Variants in ASB14 observed in about 807,000 individuals in gnomAD.
ASB14 encodes ankyrin repeat and SOCS box containing 14.
Under a neutral mutation model 55.6 loss-of-function variants are expected in ASB14, and 63 were observed. The ratio of observed to expected loss-of-function variants is 1.13; its 90% CI spans 0.92 to 1.40. The LOEUF is 1.40. ASB14 is among the 40% of genes most tolerant of loss of function. The pLI is 0.00. For missense variants in ASB14, 724 were observed against 710.4 expected (o/e 1.02, Z -0.22); for synonymous variants, 256 against 259.9 (o/e 0.98, Z 0.15).
chr3:57,276,863 T>TAA, intron 9 of ASB14, 135 bp from the exon 10 acceptor site: 2 of 757,836 alleles, frequency 2.6e-6, no homozygotes, highest in Non-Finnish European at 4.2e-6. Flanking sequence ...AAACAGTTTT[T>TAA]CAGTTCTTAT....
chr3:57,288,845 G>C (rs879368968), intron 3 of ASB14: 4 of 364,876 alleles, frequency 1.1e-5, no homozygotes, highest in Non-Finnish European at 2.0e-5. Flanking sequence ...CTCCCGAGTA[G>C]CTGGGATTAC....
At chr3:57,286,715 C>T (rs1281520827) in intron 5 of ASB14, among the ~76,000 whole-genome samples, 7 of 152,172 alleles carry the variant, frequency 4.6e-5, no homozygotes, top group African/African-American at 2.4e-5. Flanking sequence ...GGGTCTTTTA[C>T]GGTTCATTGA....
At chr3:57,285,021 C>T (rs1342095061) in intron 5 of ASB14, among the ~76,000 whole-genome samples, 2 of 146,950 alleles carry the variant, frequency 1.4e-5, no homozygotes, top group Admixed American at 1.4e-4. Context: ...CTCACTGCAA[C>T]CTCGTCTCTC....
Position 57,278,518 on chromosome 3 carries a change from A to T in ASB14, c.1290T>A (p.Thr430=). The T allele has an allele frequency of 6.2e-7, 1 of 1,614,104 alleles. No homozygotes were observed. The highest frequency in any genetic ancestry group is 8.5e-7 in the Non-Finnish European group (1 of 1,180,014). The part of the protein sequence containing the change: ...PLHFPSALQY[T]LKDEVMLRML... ...TCCTGAGCATGACTTCATCTTTCAG[A>T]GTGTATTGCAGTGCTGATGGGAAAT... Residue 430 remains threonine, a synonymous_variant, in exon 8 of 11, where the codon ACT becomes ACA. Transcript: ENST00000487349.
chr3:57,269,554 A>G lies in ASB14; in HGVS notation c.*87T>C, dbSNP rs1392866822. ...CTTTTCCACTAGGACTTGGAAGAACAAAGTCGGTTGATAGCTGCTTCCAGT... is the reference window on the plus strand; with the variant it reads ...CTTTTCCACTAGGACTTGGAAGAACGAAGTCGGTTGATAGCTGCTTCCAGT... On this transcript the variant is annotated 3_prime_UTR_variant, in exon 11 of 11. Coordinates refer to ENST00000487349, the MANE Select transcript of ASB14 (RefSeq NM_001142733.3). 1 of 1,613,860 alleles carries G rather than the reference A, an allele frequency of 6.2e-7. No individual in the cohort carries two copies. The highest frequency in any genetic ancestry group is 2.2e-5 in the East Asian group (1 of 44,866).
intron 6 of ASB14, among the ~76,000 whole-genome samples, chr3:57,282,018 T>C (rs1240332656): frequency 6.6e-6 from 1 of 152,216 alleles, no homozygotes; most frequent in African/African-American, 2.4e-5. Context: ...TGTTGCTTCT[T>C]TCTCTGTATT....
At chr3:57,289,848 T>A (rs2061114972) in intron 2 of ASB14, among the ~76,000 whole-genome samples, 1 of 151,948 alleles carries the variant, frequency 6.6e-6, no homozygotes, top group Non-Finnish European at 1.5e-5. Context: ...GGGGTTTTAC[T>A]GTGTTAGCCA....
At chr3:57,281,384 A>T (rs2061039176) in intron 6 of ASB14, among the ~76,000 whole-genome samples, 1 of 150,708 alleles carries the variant, frequency 6.6e-6, no homozygotes. Flanking sequence ...TGAAGGAAGG[A>T]GAAAAGAGTT....
intron 5 of ASB14, among the ~76,000 whole-genome samples, chr3:57,284,390 A>C (rs376066093): frequency 7.9e-5 from 12 of 152,244 alleles, no homozygotes; most frequent in African/African-American, 2.6e-4. Context: ...TCAGCCTCCC[A>C]AAGGCTGGGA....
At chr3:57,270,291 C>G (rs1415229841) in intron 10 of ASB14, 1 of 152,608 alleles carries the variant, frequency 6.6e-6, no homozygotes, top group Non-Finnish European at 1.5e-5. Flanking sequence ...TCACATTTCT[C>G]TAATGTACTG....
chr3:57,290,160 T>C lies in ASB14; in HGVS notation c.123-1037A>G, dbSNP rs921155429. Among the ~76,000 whole-genome samples, 9 of 152,340 alleles carry C rather than the reference T, an allele frequency of 5.9e-5. No individual in the cohort carries two copies. In the East Asian group the frequency reaches 7.7e-4, roughly 13 times the overall value. On this transcript the variant is annotated intron_variant, in intron 2 of 10. Transcript: ENST00000487349. ...CAATAATAAAACAAATTTATTATCT[T>C]ACAGTTTAGTAGTTCAGAAATCCAA...
chr3:57,290,129 AAAC>A (rs754626073), intron 2 of ASB14, among the ~76,000 whole-genome samples: 1 of 152,350 alleles, frequency 6.6e-6, no homozygotes, highest in East Asian at 1.9e-4. Context: ...TAGTGGCTTA[AAAC>A]AACAATAATA....
At chr3:57,273,399 G>C (rs1236797157) in intron 10 of ASB14, 1 of 152,446 alleles carries the variant, frequency 6.6e-6, no homozygotes, top group Non-Finnish European at 1.5e-5. Flanking sequence ...CAAGGCTTCA[G>C]GAAAAAAGTT....
In ASB14 at chr3:57,278,736, A is replaced by T; in HGVS notation, c.1072T>A (p.Ser358Thr). 6.2e-7 allele frequency: 1 copy of T among 1,613,902 alleles called. No individual in the cohort carries two copies. The highest frequency in any genetic ancestry group is 2.2e-5 in the East Asian group (1 of 44,846). ...TTTGATACAGCAAAATACAAAGCTG[A>T]CTTCCTGTGGTCATCGTAGTGTTTG... ...INKHYDDHRK[S>T]ALYFAVSNSD... The change falls in exon 8 of 11, where the codon TCA (serine) becomes ACA (threonine). Residue 358 changes from serine (S) to threonine (T), a missense_variant. Ser to Thr is a moderately conservative substitution (Grantham distance 58). Transcript: ENST00000487349.
rs565033831 is a variant in ASB14 at position 57,288,938 on chromosome 3, G to A, written c.178+130C>T. ...TCACCATGTTGGCCAGGCTGGTCTCGAACTCCTGACCTCAGGCGATCCACC... is the reference window on the plus strand; with the variant it reads ...TCACCATGTTGGCCAGGCTGGTCTCAAACTCCTGACCTCAGGCGATCCACC... On this transcript the variant is annotated intron_variant, in intron 3 of 10. Transcript: ENST00000487349. 2.9e-5 allele frequency: 18 copies of A among 618,058 alleles called. No individual in the cohort carries two copies. In the South Asian group the frequency reaches 3.2e-4, roughly 11 times the overall value. 38.3% of individuals were successfully genotyped at this position (618,058 alleles called of 1,614,324 possible). A position where few individuals can be genotyped will look rare whatever the true frequency, so the allele number is the denominator to read the frequency against.
intron 7 of ASB14, among the ~76,000 whole-genome samples, 172 bp downstream of exon 7, chr3:57,280,130 C>T (rs1390304939): frequency 7.5e-6 from 1 of 133,872 alleles, no homozygotes; most frequent in Non-Finnish European, 1.5e-5. Context: ...ATGGTTCAGA[C>T]CCAGCACCTG....
chr3:57,289,973 C>A (rs927495888), intron 2 of ASB14, among the ~76,000 whole-genome samples: 4 of 152,076 alleles, frequency 2.6e-5, no homozygotes, highest in Non-Finnish European at 5.9e-5. Flanking sequence ...ATTTAACGAA[C>A]CCAGGTTGAG....
At chr3:57,280,852 T>C (rs1263716778) in intron 6 of ASB14, among the ~76,000 whole-genome samples, 1 of 152,160 alleles carries the variant, frequency 6.6e-6, no homozygotes, top group Non-Finnish European at 1.5e-5. Context: ...CAAACTATAA[T>C]ACCATGCCAT....
chr3:57,276,619 A>T lies in ASB14; in HGVS notation c.1695T>A (p.Arg565=). 6.2e-7 allele frequency: 1 copy of T among 1,613,944 alleles called. No individual in the cohort carries two copies. The highest frequency in any genetic ancestry group is 8.5e-7 in the Non-Finnish European group (1 of 1,179,802). ...CTTTGTAAAGGACATATGCTTTTAG[A>T]CGATTGGGTAATGGAAGAAATGACA... ...VFMSFLPLPN[R]LKAYVLYKEY... Residue 565 remains arginine (R), a synonymous_variant, in exon 10 of 11, where the codon CGT becomes CGA. Transcript: ENST00000487349.
Sources: gnomAD v4.1 joint callset for allele counts (sites outside exome capture counted in the v4.1 genomes callset) on GRCh38, gnomAD v4.1.1 for gene constraint, MANE v1.5 for transcripts, NCBI Gene and HGNC (gene_info 2026-07-23, HGNC 2026-07-21) for gene names.